OLFM3: variants seen among roughly 807,000 people sequenced by gnomAD.
The protein encoded by OLFM3 is olfactomedin 3, also known as noelin-3.
Under a neutral mutation model 48.6 loss-of-function variants are expected in OLFM3, and 20 were observed. That is an observed-to-expected ratio of 0.41 (90% confidence interval 0.29 to 0.60). The LOEUF (loss-of-function observed/expected upper bound fraction) is 0.60, where lower values mean the gene tolerates loss of function less well. Among genes scored for constraint, OLFM3 ranks in the 20% least tolerant of loss-of-function variants. OLFM3 has a pLI of 0.28. For missense variants in OLFM3, 437 were observed against 544.3 expected (o/e 0.80, Z 1.96); for synonymous variants, 222 against 198.1 (o/e 1.12, Z -1.01).
intron 1 of OLFM3, among the ~76,000 whole-genome samples, chr1:101,978,840 T>C (rs1414251485): frequency 6.6e-6 from 1 of 152,154 alleles, no homozygotes; most frequent in Non-Finnish European, 1.5e-5. Flanking sequence ...TTTTTCTTGC[T>C]TTAGTCACAT....
At chr1:101,845,762 GT>G (rs946241630) in intron 1 of OLFM3, among the ~76,000 whole-genome samples, 1 of 152,182 alleles carries the variant, frequency 6.6e-6, no homozygotes, top group African/African-American at 2.4e-5. Flanking sequence ...GTAAAAGCAG[GT>G]CAAAGTGTGG....
At chr1:101,971,608 T>C (rs1330241969) in intron 1 of OLFM3, among the ~76,000 whole-genome samples, 1 of 152,170 alleles carries the variant, frequency 6.6e-6, no homozygotes, top group Non-Finnish European at 1.5e-5. Context: ...GAATAAGTTA[T>C]ATTTAATTGG....
intron 1 of OLFM3, among the ~76,000 whole-genome samples, chr1:101,959,016 T>C (rs1660385753): frequency 1.3e-5 from 2 of 152,046 alleles, no homozygotes; most frequent in East Asian, 3.9e-4. Context: ...TAACTAAAAC[T>C]TTGTACCCTT....
chr1:101,952,799 CTA>C (rs1296342666), intron 1 of OLFM3, among the ~76,000 whole-genome samples: 1 of 151,742 alleles, frequency 6.6e-6, no homozygotes, highest in Non-Finnish European at 1.5e-5. Context: ...TCTTCCTGAG[CTA>C]TCTTTTTTAA....
chr1:101,932,022 T>C (rs965242000), intron 1 of OLFM3, among the ~76,000 whole-genome samples: 2 of 152,208 alleles, frequency 1.3e-5, no homozygotes, highest in African/African-American at 4.8e-5. Context: ...GAGAATCTCA[T>C]GGCAAAATAT....
intron 1 of OLFM3, among the ~76,000 whole-genome samples, chr1:101,887,320 A>C (rs1355437275): frequency 3.3e-5 from 5 of 151,972 alleles, no homozygotes; most frequent in Admixed American, 3.3e-4. Context: ...TGACAGAAAA[A>C]ATGTTAAGAA....
In OLFM3 at chr1:101,978,247, A is replaced by G. The variant is rs548412869; in HGVS notation, c.69+18501T>C. On this transcript the variant is annotated intron_variant, in intron 1 of 5. Coordinates refer to ENST00000370103, the MANE Select transcript of OLFM3 (RefSeq NM_058170.4). The stretch of plus-strand genomic sequence containing the variant: ...CAAGTGAGACAAGTTGTTTATTGCA[A>G]TTTCAAACAAGAAGTTATTTATTAT... Among the ~76,000 whole-genome samples, 5 of 152,236 alleles carry G rather than the reference A, an allele frequency of 3.3e-5. No individual in the cohort carries two copies. In the South Asian group the frequency reaches 8.3e-4, roughly 25 times the overall value.
intron 1 of OLFM3, among the ~76,000 whole-genome samples, chr1:101,966,600 A>C (rs1401402684): frequency 1.3e-5 from 2 of 152,150 alleles, no homozygotes; most frequent in African/African-American, 4.8e-5. Flanking sequence ...CTTGTGGGAA[A>C]ATGTTTTCAT....
intron 1 of OLFM3, among the ~76,000 whole-genome samples, chr1:101,845,590 G>A (rs1655956092): frequency 6.6e-6 from 1 of 152,138 alleles, no homozygotes; most frequent in Non-Finnish European, 1.5e-5. Flanking sequence ...GATAATATAA[G>A]TTTATGTTTT....
chr1:101,804,245 T>C lies in OLFM3; in HGVS notation c.1370A>G (p.Asp457Gly), dbSNP rs772362722. 82 of 1,584,296 alleles carry C rather than the reference T, an allele frequency of 5.2e-5. No homozygotes were observed. The highest frequency in any genetic ancestry group is 7.0e-5 in the Non-Finnish European group (82 of 1,165,884). ...TLFHIIKTED[D>G]T ...AAAACATGTCACATTTGCCTATGTG[T>C]CATCCTCTGTCTTGATGATATGGAA... Residue 457 changes from aspartate to glycine, a missense_variant, in exon 6 of 6, where the codon GAC becomes GGC. Asp to Gly is a moderately conservative substitution (Grantham distance 94). Coordinates refer to ENST00000370103, the MANE Select transcript of OLFM3 (RefSeq NM_058170.4). This position sits in a 1 kb window ranked among gnomAD's most constrained non-coding sequence, Gnocchi z 4.5.
intron 1 of OLFM3, chr1:101,859,878 A>T (rs1408738135): frequency 1.3e-5 from 2 of 151,520 alleles, no homozygotes; most frequent in Non-Finnish European, 2.9e-5. Context: ...ACATATACTA[A>T]CATGGAAATG....
intron 1 of OLFM3, among the ~76,000 whole-genome samples, chr1:101,936,385 C>T (rs979761706): frequency 6.6e-6 from 1 of 151,830 alleles, no homozygotes; most frequent in Non-Finnish European, 1.5e-5. Context: ...AAGAATAAAA[C>T]ACCTAGGACT....
chr1:101,916,204 C>A (rs985949226), intron 1 of OLFM3, among the ~76,000 whole-genome samples: 7 of 152,066 alleles, frequency 4.6e-5, no homozygotes, highest in African/African-American at 1.4e-4. Context: ...ATTTAACAAA[C>A]CCTATCTTTA....
chr1:101,930,311 T>C (rs956892427), intron 1 of OLFM3, among the ~76,000 whole-genome samples: 3 of 152,182 alleles, frequency 2.0e-5, no homozygotes, highest in Admixed American at 6.5e-5. Context: ...CAAGGAAGAA[T>C]ATAATAGTGG....
At chr1:101,984,873 A>C (rs1166701924) in intron 1 of OLFM3, among the ~76,000 whole-genome samples, 7 of 152,242 alleles carry the variant, frequency 4.6e-5, no homozygotes, top group Admixed American at 4.6e-4. Context: ...TTACTAATAT[A>C]TATAAGCCAA....
chr1:101,822,857 C>T (rs1654675202), intron 4 of OLFM3, among the ~76,000 whole-genome samples: 1 of 150,062 alleles, frequency 6.7e-6, no homozygotes, highest in African/African-American at 2.4e-5. Flanking sequence ...AACTCCACAA[C>T]TTGAATTATA....
chr1:101,969,787 G>A (rs1660730617), intron 1 of OLFM3, among the ~76,000 whole-genome samples: 1 of 152,020 alleles, frequency 6.6e-6, no homozygotes, highest in Non-Finnish European at 1.5e-5. Context: ...TATGTCAGGA[G>A]AAGGATGTCA....
At chr1:101,824,872 T>C (rs1654782697) in intron 4 of OLFM3, among the ~76,000 whole-genome samples, 154 bp downstream of exon 4, 2 of 152,200 alleles carry the variant, frequency 1.3e-5, no homozygotes, top group African/African-American at 4.8e-5. Flanking sequence ...TACCCAGACA[T>C]GCTTAAGTCA....
intron 1 of OLFM3, among the ~76,000 whole-genome samples, chr1:101,983,904 G>A (rs571125490): frequency 2.2e-4 from 34 of 152,270 alleles, no homozygotes; most frequent in Admixed American, 1.6e-3. Context: ...GGTAGCTCAC[G>A]TTTTGACTGA....
Sources: allele counts gnomAD v4.1 joint callset (sites outside exome capture counted in the v4.1 genomes callset), GRCh38; gene constraint gnomAD v4.1.1; non-coding constraint Gnocchi (gnomAD v3.1); transcripts MANE v1.5; gene names NCBI Gene and HGNC (gene_info 2026-07-23, HGNC 2026-07-21).